DENND2A: variants seen among roughly 807,000 people sequenced by gnomAD.
The protein encoded by DENND2A is DENN domain-containing protein 2A.
In DENND2A, 53 loss-of-function variants were observed where a neutral mutation model predicts 105.3. That is an observed-to-expected ratio of 0.50 (90% CI 0.40 to 0.63). The LOEUF (loss-of-function observed/expected upper bound fraction) is 0.63, where lower values mean the gene tolerates loss of function less well. DENND2A is among the 30% of genes least tolerant of loss of function. The pLI is 0.00. For synonymous variants in DENND2A, 522 were observed against 508.4 expected (o/e 1.03, Z -0.36); for missense variants, 1,138 against 1,279.6 (o/e 0.89, Z 1.69).
At chr7:140,621,811 G>C (rs1800304342) in intron 1 of DENND2A, among the ~76,000 whole-genome samples, 1 of 152,206 alleles carries the variant, frequency 6.6e-6, no homozygotes, top group Non-Finnish European at 1.5e-5. Flanking sequence ...TGCCACTTGT[G>C]GAAGAGCAGC....
At chr7:140,567,294 GAA>G (rs1491433527) in intron 8 of DENND2A, 21 bp from the exon 9 acceptor site, 57 of 1,163,700 alleles carry the variant, frequency 4.9e-5, no homozygotes, top group African/African-American at 1.6e-4. Context: ...GAGGGAGAGA[GAA>G]AGAGAGAAAG....
chr7:140,555,088 C>T (rs1395343349), intron 12 of DENND2A, among the ~76,000 whole-genome samples: 2 of 151,684 alleles, frequency 1.3e-5, no homozygotes, highest in Non-Finnish European at 2.9e-5. Context: ...AATTATCTTG[C>T]CATCCCTGCA....
chr7:140,601,376 A>C (rs1479870157), intron 3 of DENND2A, 27 bp downstream of exon 3: 33 of 1,542,578 alleles, frequency 2.1e-5, no homozygotes, highest in Non-Finnish European at 1.7e-6. Flanking sequence ...AGGTGGCGAC[A>C]CTCTGCCTGG....
rs548436114 is a variant in DENND2A, at chr7:140,563,459, G to T, written c.1779+3627C>A. Among the ~76,000 whole-genome samples, 38 of 152,120 alleles carry T rather than the reference G, an allele frequency of 2.5e-4. 1 individual carries two copies. The highest frequency in any genetic ancestry group is 8.9e-4 in the African/African-American group (37 of 41,472). On this transcript the variant is annotated intron_variant, in intron 9 of 19. Transcript: ENST00000496613. ...ACTGTCAAAGATAAATATGGGATAG[G>T]AAACATTTTAATGGAACATTAGCAT... is the stretch of plus-strand genomic sequence containing the variant.
intron 13 of DENND2A, 99 bp downstream of exon 13, chr7:140,546,700 A>G: frequency 6.8e-7 from 1 of 1,468,496 alleles, no homozygotes; most frequent in Non-Finnish European, 9.2e-7. Context: ...GACACCAAGG[A>G]ATTGGACTGC....
At chr7:140,525,491 T>G (rs375477113) in intron 16 of DENND2A, among the ~76,000 whole-genome samples, 2 of 152,318 alleles carry the variant, frequency 1.3e-5, no homozygotes, top group East Asian at 1.9e-4. Context: ...CCTATAGTTA[T>G]AAGATTACAA....
rs921548173 is a variant in DENND2A at position 140,518,620 on chromosome 7, G to T, written c.*87C>A. On this transcript the variant is annotated 3_prime_UTR_variant, in exon 20 of 20. Coordinates refer to ENST00000496613, the MANE Select transcript of DENND2A (RefSeq NM_015689.5). ...CTCCAGTTCCGCACCGTGACAACCT[G>T]GGACCCAGCCTTTCAGAAAGGCCAC... The T allele has an allele frequency of 2.8e-6, 4 of 1,436,878 alleles. No homozygotes were observed. In the African/African-American group the frequency reaches 5.6e-5, roughly 20 times the overall value. The allele number at this position is 1,436,878 out of a possible 1,614,324, so 89.0% of individuals were successfully genotyped here.
intron 1 of DENND2A, among the ~76,000 whole-genome samples, chr7:140,624,849 G>GTTTTGTTT (rs1800450324): frequency 1.5e-5 from 2 of 131,238 alleles, no homozygotes; most frequent in African/African-American, 6.3e-5. Context: ...GTTTTTCTTT[G>GTTTTGTTT]TTTTTTTTGT....
intron 1 of DENND2A, among the ~76,000 whole-genome samples, chr7:140,623,931 G>A (rs986808719): frequency 7.2e-5 from 11 of 152,160 alleles, no homozygotes; most frequent in African/African-American, 2.7e-4. Flanking sequence ...TAAATGGCAG[G>A]TATACCTTCT....
chr7:140,558,580 C>T (rs772314832), intron 10 of DENND2A, among the ~76,000 whole-genome samples: 3 of 151,880 alleles, frequency 2.0e-5, no homozygotes, highest in Non-Finnish European at 4.4e-5. Context: ...CCTGTAATCC[C>T]AGCTACTGGG....
At chr7:140,569,395 A>ACAGT (rs943436492) in intron 7 of DENND2A, among the ~76,000 whole-genome samples, 1 of 152,226 alleles carries the variant, frequency 6.6e-6, no homozygotes, top group African/African-American at 2.4e-5. Flanking sequence ...GGCTGCTCCC[A>ACAGT]CAGTCAGGCC....
At chr7:140,538,069 G>A (rs1796509032) in intron 14 of DENND2A, among the ~76,000 whole-genome samples, 1 of 152,114 alleles carries the variant, frequency 6.6e-6, no homozygotes, top group Non-Finnish European at 1.5e-5. Context: ...TCAATGTCCA[G>A]CCTAAAGATA....
chr7:140,615,710 T>C (rs1481614399), intron 1 of DENND2A, among the ~76,000 whole-genome samples: 1 of 151,506 alleles, frequency 6.6e-6, no homozygotes, highest in African/African-American at 2.4e-5. Context: ...GCTATTTTTT[T>C]TTTTTGTATT....
chr7:140,576,571 C>T (rs1798307829), intron 5 of DENND2A, among the ~76,000 whole-genome samples: 1 of 152,218 alleles, frequency 6.6e-6, no homozygotes, highest in African/African-American at 2.4e-5. Flanking sequence ...ATATTTTGCT[C>T]CATTGATTTC....
intron 1 of DENND2A, among the ~76,000 whole-genome samples, chr7:140,621,334 G>C (rs1259930742): frequency 6.6e-6 from 1 of 151,938 alleles, no homozygotes; most frequent in Admixed American, 6.6e-5. Flanking sequence ...CACCAGGCCT[G>C]GCCCTTCCAC....
chr7:140,529,686 C>T (rs529318259), intron 14 of DENND2A, among the ~76,000 whole-genome samples: 12 of 151,964 alleles, frequency 7.9e-5, no homozygotes, highest in African/African-American at 1.4e-4. Context: ...AGCAAACTAT[C>T]GCAAGAACAA....
At chr7:140,589,908 T>A (rs1798939819) in intron 3 of DENND2A, among the ~76,000 whole-genome samples, 1 of 152,206 alleles carries the variant, frequency 6.6e-6, no homozygotes, top group African/African-American at 2.4e-5. Context: ...GGATTATAGT[T>A]CTGTTTTTAT....
chr7:140,556,999 C>T (rs1797389296), intron 11 of DENND2A, among the ~76,000 whole-genome samples: 1 of 152,016 alleles, frequency 6.6e-6, no homozygotes, highest in African/African-American at 2.4e-5. Context: ...CCTTAGCAAC[C>T]ATTCTGAATG....
chr7:140,521,680 C>A (rs1473449325), intron 18 of DENND2A, among the ~76,000 whole-genome samples, 175 bp downstream of exon 18: 1 of 152,224 alleles, frequency 6.6e-6, no homozygotes, highest in Non-Finnish European at 1.5e-5. Context: ...AACAGAGAAG[C>A]CAGGAGAGGG....
Sources: gnomAD v4.1 joint callset for allele counts (sites outside exome capture counted in the v4.1 genomes callset) on GRCh38, gnomAD v4.1.1 for gene constraint, MANE v1.5 for transcripts, NCBI Gene and HGNC (gene_info 2026-07-23, HGNC 2026-07-21) for gene names.